ELAVL4: variants seen among roughly 807,000 people sequenced by gnomAD.
ELAVL4 encodes ELAV-like protein 4.
Under a neutral mutation model 35.6 loss-of-function variants are expected in ELAVL4, and 1 was observed. The observed-to-expected ratio is 0.03, with a 90% CI of 0.01 to 0.13. The LOEUF is 0.13. Ranked by LOEUF, ELAVL4 falls within the 10% of genes least tolerant of loss-of-function variation. The pLI is 1.00. For missense variants in ELAVL4, 267 were observed against 464.9 expected (o/e 0.57, Z 3.91); for synonymous variants, 156 against 171.0 (o/e 0.91, Z 0.69).
chr1:50,133,599 A>AAAAGAG (rs1553174456), intron 1 of ELAVL4, among the ~76,000 whole-genome samples: 1 of 129,178 alleles, frequency 7.7e-6, no homozygotes, highest in African/African-American at 2.9e-5. Context: ...AGAAAGAAAG[A>AAAAGAG]AAAGAAAGAA....
intron 1 of ELAVL4, among the ~76,000 whole-genome samples, chr1:50,062,503 G>C (rs1007373184): frequency 6.6e-6 from 1 of 152,036 alleles, no homozygotes; most frequent in African/African-American, 2.4e-5. Flanking sequence ...CACCTTAATT[G>C]ATATTTCCCA....
chr1:50,126,348 GA>G (rs1669913405), intron 1 of ELAVL4, among the ~76,000 whole-genome samples: 1 of 152,110 alleles, frequency 6.6e-6, no homozygotes. Flanking sequence ...GCTCTGTGAA[GA>G]AAAGCACTTG....
At chr1:50,106,543 C>T (rs550706683), upstream of ELAVL4, 4 of 628,668 alleles carry the variant, frequency 6.4e-6, no homozygotes, top group African/African-American at 7.3e-5. Context: ...ACTCGCCTGC[C>T]TGATTCTTGA....
At chr1:50,160,884 C>T (rs1019136194) in intron 2 of ELAVL4, among the ~76,000 whole-genome samples, 3 of 152,192 alleles carry the variant, frequency 2.0e-5, no homozygotes, top group Non-Finnish European at 2.9e-5. Flanking sequence ...CTTCTACATG[C>T]GCTTTGTAAG....
intron 3 of ELAVL4, among the ~76,000 whole-genome samples, chr1:50,185,802 C>T (rs138997957): frequency 6.6e-6 from 1 of 152,188 alleles, no homozygotes; most frequent in African/African-American, 2.4e-5. Context: ...TACTAAGATT[C>T]GGGCAACATA....
intron 2 of ELAVL4, among the ~76,000 whole-genome samples, chr1:50,157,797 T>C (rs1676017083): frequency 6.6e-6 from 1 of 152,218 alleles, no homozygotes; most frequent in South Asian, 2.1e-4. Flanking sequence ...AGGATCCTTG[T>C]GTTTGGGAAG....
At chr1:50,120,952 G>T (rs1035754331) in intron 1 of ELAVL4, among the ~76,000 whole-genome samples, 82 of 152,120 alleles carry the variant, frequency 5.4e-4, no homozygotes, top group African/African-American at 1.8e-3. Context: ...CTTCAAACTT[G>T]CAAGTACACG....
chr1:50,154,051 GC>G (rs1392807207), intron 2 of ELAVL4, among the ~76,000 whole-genome samples: 1 of 152,190 alleles, frequency 6.6e-6, no homozygotes, highest in African/African-American at 2.4e-5. Context: ...AGCCCAAGCT[GC>G]CTAATACAGA....
intron 1 of ELAVL4, among the ~76,000 whole-genome samples, chr1:50,135,628 C>T (rs1223230885): frequency 6.6e-6 from 1 of 152,120 alleles, no homozygotes; most frequent in South Asian, 2.1e-4. Flanking sequence ...ATTGAATACA[C>T]TTGTTTTAAG....
intron 1 of ELAVL4, chr1:50,115,216 T>C (rs1360145876): frequency 1.3e-5 from 2 of 152,070 alleles, no homozygotes; most frequent in African/African-American, 4.8e-5. Context: ...CAAAGGTATT[T>C]CTCCCCTCAA....
chr1:50,162,649 T>C (rs534642208), intron 2 of ELAVL4, among the ~76,000 whole-genome samples: 1 of 151,942 alleles, frequency 6.6e-6, no homozygotes, highest in Admixed American at 6.5e-5. Context: ...AGTGGTGTGA[T>C]CTCGGCTCAC....
At chr1:50,058,374 A>G (rs1158703161) in intron 1 of ELAVL4, among the ~76,000 whole-genome samples, 1 of 152,200 alleles carries the variant, frequency 6.6e-6, no homozygotes, top group African/African-American at 2.4e-5. Context: ...GATAGGATAT[A>G]TAGGAGGAAA....
chr1:50,117,337 G>A lies in ELAVL4; in HGVS notation c.9+8139G>A, dbSNP rs368684601. On this transcript the variant is annotated intron_variant, in intron 1 of 6. Coordinates refer to ENST00000371824, the MANE Select transcript of ELAVL4 (RefSeq NM_001144774.3). ...TTCTACTAGATACCGCTATTACCAT[G>A]CCTTTGTTGGCAAGGCTATCTCAGA... Among the ~76,000 whole-genome samples, 565 of 152,210 alleles carry A rather than the reference G, an allele frequency of 3.7e-3. 1 individual carries two copies. Among genetic ancestry groups the A allele is most frequent in the Non-Finnish European group, 5.8e-3 (397 of 67,986 alleles).
chr1:50,176,294 C>G (rs893471143), intron 2 of ELAVL4, among the ~76,000 whole-genome samples: 1 of 152,160 alleles, frequency 6.6e-6, no homozygotes, highest in African/African-American at 2.4e-5. Flanking sequence ...GTAGAAACCC[C>G]CTCTCCTTTT....
upstream of ELAVL4, among the ~76,000 whole-genome samples, chr1:50,103,661 A>C (rs1354788571): frequency 6.6e-6 from 1 of 152,204 alleles, no homozygotes; most frequent in South Asian, 2.1e-4. Flanking sequence ...TGATGACGCT[A>C]TTTAAATGGT....
At chr1:50,048,123 C>T in exon 1 of ELAVL4, 1 of 1,502,884 alleles carries the variant, frequency 6.7e-7, no homozygotes, top group Non-Finnish European at 8.9e-7. Flanking sequence ...CTCCGCCCCA[C>T]CCAGCCTCCG....
At chr1:50,086,438 G>A (rs1255215654) in intron 1 of ELAVL4, among the ~76,000 whole-genome samples, 1 of 149,854 alleles carries the variant, frequency 6.7e-6, no homozygotes, top group Admixed American at 6.7e-5. Flanking sequence ...AAGATTTAAA[G>A]GTATTTCTTT....
At chr1:50,153,564 GAGA>G (rs920046979) in intron 2 of ELAVL4, among the ~76,000 whole-genome samples, 2 of 152,194 alleles carry the variant, frequency 1.3e-5, no homozygotes, top group Non-Finnish European at 2.9e-5. Context: ...ACAATAGACT[GAGA>G]TTCTCAAAGC....
intron 1 of ELAVL4, among the ~76,000 whole-genome samples, chr1:50,110,269 G>C (rs1041240661): frequency 6.6e-6 from 1 of 152,110 alleles, no homozygotes; most frequent in Admixed American, 6.6e-5. Flanking sequence ...CGTCACTGTT[G>C]GCTGGCGTGT....
Sources: gnomAD v4.1 joint callset for allele counts (sites outside exome capture counted in the v4.1 genomes callset) on GRCh38, gnomAD v4.1.1 for gene constraint, MANE v1.5 for transcripts, NCBI Gene and HGNC (gene_info 2026-07-23, HGNC 2026-07-21) for gene names.